Variants in PLEKHA7 observed in about 807,000 individuals in gnomAD.
The protein encoded by PLEKHA7 is pleckstrin homology domain-containing family A member 7.
Under a neutral mutation model 170.0 loss-of-function variants are expected in PLEKHA7, and 104 were observed. That is an observed-to-expected ratio of 0.61 (90% CI 0.52 to 0.72). The LOEUF (loss-of-function observed/expected upper bound fraction) is 0.72. PLEKHA7 is among the 30% of genes least tolerant of loss of function. PLEKHA7 has a pLI of 0.00. For missense variants in PLEKHA7, 1,615 were observed against 1,671.7 expected (o/e 0.97, Z 0.59); for synonymous variants, 648 against 660.8 (o/e 0.98, Z 0.30).
At chr11:16,894,330 A>G (rs928848056) in intron 3 of PLEKHA7, among the ~76,000 whole-genome samples, 11 of 152,238 alleles carry the variant, frequency 7.2e-5, no homozygotes, top group Non-Finnish European at 1.5e-4. Flanking sequence ...AATGATGCCC[A>G]TTCAGGAAGG....
At chr11:17,009,133 G>A (rs1398007534) in intron 3 of PLEKHA7, among the ~76,000 whole-genome samples, 1 of 152,104 alleles carries the variant, frequency 6.6e-6, no homozygotes, top group African/African-American at 2.4e-5. Flanking sequence ...CAAGATGCAT[G>A]GCCTGGGGTA....
At chr11:16,968,463 C>T (rs1862509554) in intron 3 of PLEKHA7, among the ~76,000 whole-genome samples, 1 of 152,212 alleles carries the variant, frequency 6.6e-6, no homozygotes, top group South Asian at 2.1e-4. Context: ...GCTCTCTGCA[C>T]TGCCCTCTGT....
chr11:16,994,556 C>T (rs1323613192), intron 3 of PLEKHA7, among the ~76,000 whole-genome samples: 1 of 152,156 alleles, frequency 6.6e-6, no homozygotes, highest in African/African-American at 2.4e-5. Flanking sequence ...GCATATTCCA[C>T]CTTCCTCCCG....
At chr11:16,891,984 G>A (rs1856648487) in intron 3 of PLEKHA7, among the ~76,000 whole-genome samples, 1 of 152,162 alleles carries the variant, frequency 6.6e-6, no homozygotes, top group Non-Finnish European at 1.5e-5. Flanking sequence ...GAGTCACTGG[G>A]AGGCATATTT....
chr11:16,976,294 G>C (rs1863059028), intron 3 of PLEKHA7, among the ~76,000 whole-genome samples: 1 of 152,244 alleles, frequency 6.6e-6, no homozygotes, highest in African/African-American at 2.4e-5. Context: ...TTGAAATTCT[G>C]ATGGGGGCTC....
chr11:16,996,820 C>A (rs1864368245), intron 3 of PLEKHA7, among the ~76,000 whole-genome samples: 1 of 151,966 alleles, frequency 6.6e-6, no homozygotes, highest in Non-Finnish European at 1.5e-5. Context: ...CCTGTGGTCC[C>A]AGCTACTCAG....
intron 3 of PLEKHA7, among the ~76,000 whole-genome samples, chr11:16,904,832 G>T (rs76670010): frequency 1.3e-5 from 2 of 152,174 alleles, no homozygotes; most frequent in Non-Finnish European, 2.9e-5. Flanking sequence ...GACATAAAAA[G>T]ATAACGCAAT....
At chr11:16,841,972 T>C (rs1307947913) in intron 8 of PLEKHA7, among the ~76,000 whole-genome samples, 12 of 152,164 alleles carry the variant, frequency 7.9e-5, no homozygotes. Context: ...TACTCCTGCT[T>C]TGGGAGTTGG....
Position 16,826,108 on chromosome 11 carries a change from T to A in PLEKHA7, c.1343+12A>T. On this transcript the variant is annotated intron_variant, in intron 10 of 26. Coordinates refer to ENST00000531066, the MANE Select transcript of PLEKHA7 (RefSeq NM_001329630.2). ...GCTCGTTATAAGCAGCGATCCTGAG[T>A]CTATTACTCACCTCCTGCTATCCCC... is the stretch of plus-strand genomic sequence containing the variant. The A allele has an allele frequency of 6.2e-7, 1 of 1,609,498 alleles. No homozygotes were observed. Among genetic ancestry groups the A allele is most frequent in the Non-Finnish European group, 8.5e-7 (1 of 1,176,564 alleles).
At chr11:16,935,000 A>C (rs1162993610) in intron 3 of PLEKHA7, among the ~76,000 whole-genome samples, 2 of 152,226 alleles carry the variant, frequency 1.3e-5, no homozygotes. Context: ...ACTACATGTG[A>C]ATGGGCGATT....
In PLEKHA7 at chr11:16,783,653, C is replaced by G. The variant is rs546259874; in HGVS notation, c.3650+47G>C. The G allele has an allele frequency of 2.4e-4, 322 of 1,351,136 alleles. 2 individuals are homozygous for G. In the South Asian group the frequency reaches 4.5e-3, roughly 19 times the overall value. 83.7% of individuals were successfully genotyped at this position (1,351,136 alleles called of 1,614,324 possible). A position where few individuals can be genotyped will look rare whatever the true frequency, so the allele number is the denominator to read the frequency against. On this transcript the variant is annotated intron_variant, in intron 25 of 26. Transcript: ENST00000531066. ...CAGGGCCCACATGGTAGAGACGCCA[C>G]CTGGGGTCAGGGTGACCTGCCAACA...
At chr11:16,892,619 CTTTTTTTTTTTTT>C (rs10674972) in intron 3 of PLEKHA7, among the ~76,000 whole-genome samples, 1 of 82,414 alleles carries the variant, frequency 1.2e-5, no homozygotes, top group African/African-American at 5.2e-5. Flanking sequence ...CTTCCAGCTT[CTTTTTTTTTTTTT>C]TTTTTTTTTC....
At chr11:16,891,197 G>A (rs1856589560) in intron 3 of PLEKHA7, among the ~76,000 whole-genome samples, 1 of 152,066 alleles carries the variant, frequency 6.6e-6, no homozygotes, top group Non-Finnish European at 1.5e-5. Flanking sequence ...TTATAGGCAT[G>A]AGCCACCCAG....
chr11:17,005,351 G>A (rs1025427661), intron 3 of PLEKHA7, among the ~76,000 whole-genome samples: 1 of 152,180 alleles, frequency 6.6e-6, no homozygotes, highest in Admixed American at 6.5e-5. Context: ...GGCCAACATG[G>A]TGAAACCCCG....
At chr11:16,990,060 T>A (rs1045539987) in intron 3 of PLEKHA7, among the ~76,000 whole-genome samples, 1 of 151,846 alleles carries the variant, frequency 6.6e-6, no homozygotes, top group Admixed American at 6.6e-5. Context: ...GCTGGGTTGG[T>A]CCCTGGTGAC....
chr11:16,960,310 G>A (rs1379590680), intron 3 of PLEKHA7, among the ~76,000 whole-genome samples: 1 of 152,162 alleles, frequency 6.6e-6, no homozygotes, highest in Non-Finnish European at 1.5e-5. Flanking sequence ...CCAAGTGCCT[G>A]GCACCCAGAG....
chr11:16,838,129 G>A (rs933418829), intron 9 of PLEKHA7, among the ~76,000 whole-genome samples: 3 of 152,196 alleles, frequency 2.0e-5, no homozygotes, highest in Non-Finnish European at 4.4e-5. Flanking sequence ...GAGCACACAG[G>A]AAAGGAGGCA....
intron 19 of PLEKHA7, among the ~76,000 whole-genome samples, chr11:16,792,820 C>G (rs987339614): frequency 6.6e-6 from 1 of 152,192 alleles, no homozygotes; most frequent in Non-Finnish European, 1.5e-5. Flanking sequence ...ATTGCCCAGG[C>G]TGGAGTGCAG....
intron 3 of PLEKHA7, among the ~76,000 whole-genome samples, chr11:16,892,430 GTGTGTTTTGTTTTGTTT>G (rs1460564323): frequency 6.2e-5 from 5 of 80,672 alleles, no homozygotes; most frequent in African/African-American, 2.4e-4. Flanking sequence ...GTGTGTGTGT[GTGTGTTTTGTTTTGTTT>G]TGTTTTGTTT....
Sources: gnomAD v4.1 joint callset for allele counts (sites outside exome capture counted in the v4.1 genomes callset) on GRCh38, gnomAD v4.1.1 for gene constraint, MANE v1.5 for transcripts, NCBI Gene and HGNC (gene_info 2026-07-23, HGNC 2026-07-21) for gene names.